ERC2: variants seen among roughly 807,000 people sequenced by gnomAD.
ERC2 encodes the protein ELKS/RAB6-interacting/CAST family member 2.
ERC2 carries 42 observed loss-of-function variants against 114.8 expected under a neutral mutation model. The observed-to-expected ratio is 0.37, with a 90% CI of 0.29 to 0.47. The LOEUF (loss-of-function observed/expected upper bound fraction) is 0.47, where lower values mean the gene tolerates loss of function less well. Ranked by LOEUF, ERC2 falls within the 20% of genes least tolerant of loss-of-function variation. ERC2 has a pLI of 0.99. For missense variants in ERC2, 939 were observed against 1,150.7 expected (o/e 0.82, Z 2.66); for synonymous variants, 454 against 425.5 (o/e 1.07, Z -0.82).
chr3:56,267,192 G>C (rs554491081), intron 3 of ERC2, among the ~76,000 whole-genome samples: 2 of 152,154 alleles, frequency 1.3e-5, no homozygotes, highest in Admixed American at 6.6e-5. Context: ...CACTTTAAAA[G>C]TTTCAGATAT....
At chr3:56,345,653 C>A (rs146408551) in intron 2 of ERC2, among the ~76,000 whole-genome samples, 1 of 152,212 alleles carries the variant, frequency 6.6e-6, no homozygotes, top group South Asian at 2.1e-4. Context: ...AAGAAAAGTG[C>A]GCAGAAACTA....
rs368078452 is a variant in ERC2 at position 56,173,881 on chromosome 3, GA to G, written c.1075-362del. 2.1e-3 allele frequency: 384 copies of G among 187,056 alleles called. 1 individual carries two copies. The highest frequency in any genetic ancestry group is 8.7e-3 in the African/African-American group (369 of 42,304). 11.6% of individuals were successfully genotyped at this position (187,056 alleles called of 1,614,324 possible). A position where few individuals can be genotyped will look rare whatever the true frequency, so the allele number is the denominator to read the frequency against. On this transcript the variant is annotated intron_variant, in intron 3 of 17. Transcript: ENST00000288221. ...GTGCTCCCAATACAAACACAGCAAG[GA>G]AACAGAGGAAAGAAAATGACTAACG...
intron 17 of ERC2, among the ~76,000 whole-genome samples, chr3:55,589,473 T>C (rs760635066): frequency 6.6e-6 from 1 of 152,172 alleles, no homozygotes; most frequent in Non-Finnish European, 1.5e-5. Flanking sequence ...GCTGGAGCTG[T>C]GCAGTGGACA....
intron 2 of ERC2, among the ~76,000 whole-genome samples, chr3:56,414,969 AGG>A (rs1320452269): frequency 2.6e-5 from 4 of 152,258 alleles, no homozygotes; most frequent in African/African-American, 9.6e-5. Context: ...GTCCTACGTA[AGG>A]TAAGCAGCAA....
At chr3:56,311,294 C>A (rs1230130507) in intron 2 of ERC2, among the ~76,000 whole-genome samples, 2 of 118,918 alleles carry the variant, frequency 1.7e-5, no homozygotes, top group African/African-American at 3.5e-5. Context: ...TATATATACA[C>A]ACATATATAT....
intron 4 of ERC2, among the ~76,000 whole-genome samples, chr3:56,149,387 G>T (rs1560260045): frequency 6.6e-6 from 1 of 151,662 alleles, no homozygotes; most frequent in Non-Finnish European, 1.5e-5. Context: ...CTAATATCTG[G>T]GAATCAAATT....
Position 55,805,984 on chromosome 3 carries a change from A to G in ERC2, c.2565-71066T>C, listed in dbSNP as rs1034893485. On this transcript the variant is annotated intron_variant, in intron 14 of 17. Transcript: ENST00000288221. ...CACTAAAGTTCATATGAAGCATTAC[A>G]AAAATGATAGAGCATACAATAGAGT... 3.3e-5 allele frequency among the ~76,000 whole-genome samples: 5 copies of G among 152,314 alleles called. No homozygotes were observed. In the Middle Eastern group the frequency reaches 0.01, roughly 311 times the overall value.
intron 7 of ERC2, among the ~76,000 whole-genome samples, chr3:56,058,836 A>G (rs1276165773): frequency 1.3e-5 from 2 of 152,132 alleles, no homozygotes; most frequent in Admixed American, 6.5e-5. Flanking sequence ...ACATGAGCCA[A>G]TTTCTTAAAA....
At chr3:55,779,331 A>AG (rs2068851569) in intron 14 of ERC2, among the ~76,000 whole-genome samples, 1 of 129,614 alleles carries the variant, frequency 7.7e-6, no homozygotes, top group African/African-American at 3.4e-5. Flanking sequence ...AAAATACAAA[A>AG]AAAAAAAAAA....
chr3:56,338,461 G>C (rs1013650041), intron 2 of ERC2, among the ~76,000 whole-genome samples: 1 of 152,152 alleles, frequency 6.6e-6, no homozygotes, highest in South Asian at 2.1e-4. Flanking sequence ...TGAGAGACAG[G>C]AAGGATACAG....
chr3:55,649,130 CTG>C lies in ERC2; in HGVS notation c.*39+34662_*39+34663del, dbSNP rs1346631208. On this transcript the variant is annotated intron_variant, in intron 17 of 17. Transcript: ENST00000288221. ...TCCAGAGACACCTGCATAAATACAC[CTG>C]TGACAGGCATAAGACTTCACTTCCC... Among the ~76,000 whole-genome samples the C allele has an allele frequency of 7.2e-5, 11 of 152,272 alleles. No homozygotes were observed. The South Asian group carries it at 1.4e-3, about 20-fold the overall frequency.
chr3:56,463,834 T>A (rs1403900173), intron 1 of ERC2, among the ~76,000 whole-genome samples: 1 of 152,208 alleles, frequency 6.6e-6, no homozygotes, highest in Non-Finnish European at 1.5e-5. Flanking sequence ...AAGAAGTCCT[T>A]CCTTACACCT....
chr3:56,172,957 G>C (rs2082758268), intron 4 of ERC2, among the ~76,000 whole-genome samples: 1 of 152,098 alleles, frequency 6.6e-6, no homozygotes, highest in African/African-American at 2.4e-5. Flanking sequence ...TTCCAAACTT[G>C]GTTAGGAGAA....
intron 14 of ERC2, among the ~76,000 whole-genome samples, chr3:55,869,811 A>G (rs534684542): frequency 1.3e-5 from 2 of 152,300 alleles, no homozygotes; most frequent in South Asian, 4.1e-4. Flanking sequence ...CTATTTGTGG[A>G]ATGCACAGAG....
intron 2 of ERC2, among the ~76,000 whole-genome samples, chr3:56,365,938 G>T (rs1017312186): frequency 6.6e-6 from 1 of 152,186 alleles, no homozygotes. Context: ...TATTTACTGA[G>T]AGACTAAATA....
At chr3:56,412,067 G>A (rs558040647) in intron 2 of ERC2, among the ~76,000 whole-genome samples, 7 of 152,286 alleles carry the variant, frequency 4.6e-5, no homozygotes, top group African/African-American at 1.7e-4. Context: ...CCTGGATTTA[G>A]GACAAGCCCT....
In ERC2 at chr3:56,224,673, C is replaced by A. The variant is rs112824292; in HGVS notation, c.1075-51153G>T. ...GTCAAGGCTTTCCAAGAAAAACACC[C>A]ACACACGGGTTTTAATATGCAAGAA... On this transcript the variant is annotated intron_variant, in intron 3 of 17. Transcript: ENST00000288221. Among the ~76,000 whole-genome samples the A allele has an allele frequency of 5.3e-3, 812 of 152,236 alleles. 7 individuals carry two copies. The highest frequency in any genetic ancestry group is 0.019 in the African/African-American group (781 of 41,536).
intron 3 of ERC2, among the ~76,000 whole-genome samples, chr3:56,234,516 C>T (rs2050819939): frequency 6.6e-6 from 1 of 152,172 alleles, no homozygotes; most frequent in Non-Finnish European, 1.5e-5. Context: ...CAGTTCTTAA[C>T]ATTTTTTAGA....
At chr3:56,121,469 AT>A (rs2079569890) in intron 6 of ERC2, among the ~76,000 whole-genome samples, 1 of 152,200 alleles carries the variant, frequency 6.6e-6, no homozygotes. Flanking sequence ...ACTTGAACCT[AT>A]ATACAGAAAG....
Sources: gnomAD v4.1 joint callset for allele counts (sites outside exome capture counted in the v4.1 genomes callset) on GRCh38, gnomAD v4.1.1 for gene constraint, MANE v1.5 for transcripts, NCBI Gene and HGNC (gene_info 2026-07-23, HGNC 2026-07-21) for gene names.